Variants in CTTNBP2 observed in about 807,000 individuals in gnomAD.
The protein encoded by CTTNBP2 is cortactin binding protein 2.
In CTTNBP2, 108 loss-of-function variants were observed where a neutral mutation model predicts 156.9. The observed-to-expected ratio is 0.69, with a 90% CI of 0.59 to 0.81. The LOEUF (loss-of-function observed/expected upper bound fraction) is 0.81, where lower values mean the gene tolerates loss of function less well. Ranked by LOEUF, CTTNBP2 falls within the 30% of genes least tolerant of loss-of-function variation. The pLI is 0.00. For synonymous variants in CTTNBP2, 767 were observed against 751.8 expected (o/e 1.02, Z -0.33); for missense variants, 1,924 against 2,035.4 (o/e 0.95, Z 1.05).
intron 8 of CTTNBP2, among the ~76,000 whole-genome samples, chr7:117,773,346 C>A (rs1376257868): frequency 6.6e-6 from 1 of 152,180 alleles, no homozygotes; most frequent in Non-Finnish European, 1.5e-5. Context: ...GTAGAAACGT[C>A]TGACTCTCAT....
chr7:117,837,990 G>A (rs189447003), intron 2 of CTTNBP2, among the ~76,000 whole-genome samples: 2 of 152,278 alleles, frequency 1.3e-5, no homozygotes, highest in African/African-American at 4.8e-5. Flanking sequence ...AGCCCAGGCA[G>A]CCTCCAGAGA....
chr7:117,793,013 T>G (rs1799121042), intron 3 of CTTNBP2, among the ~76,000 whole-genome samples: 1 of 152,164 alleles, frequency 6.6e-6, no homozygotes, highest in African/African-American at 2.4e-5. Flanking sequence ...AATAGAGAAT[T>G]TTTAAAGTCT....
intron 3 of CTTNBP2, among the ~76,000 whole-genome samples, chr7:117,793,784 C>T (rs1454210390): frequency 1.3e-5 from 2 of 152,188 alleles, no homozygotes; most frequent in Admixed American, 6.5e-5. Flanking sequence ...ACTGATCAGC[C>T]TAGACAGGGA....
intron 2 of CTTNBP2, among the ~76,000 whole-genome samples, chr7:117,814,720 G>A (rs1337364228): frequency 6.6e-6 from 1 of 152,196 alleles, no homozygotes; most frequent in East Asian, 1.9e-4. Flanking sequence ...GAGCCTCCGT[G>A]ACAGCCTAAA....
At chr7:117,756,827 T>C (rs528730535) in intron 11 of CTTNBP2, among the ~76,000 whole-genome samples, 193 bp from the exon 12 acceptor site, 3 of 152,322 alleles carry the variant, frequency 2.0e-5, no homozygotes, top group African/African-American at 7.2e-5. Context: ...GCTGATAAAC[T>C]GCCACTGCTC....
At chr7:117,800,860 T>C (rs1799570559) in intron 3 of CTTNBP2, among the ~76,000 whole-genome samples, 1 of 152,138 alleles carries the variant, frequency 6.6e-6, no homozygotes, top group African/African-American at 2.4e-5. Context: ...TGTTGCTAAG[T>C]ACCATCTCCC....
At chr7:117,756,677 TAA>T (rs1562976870) in intron 11 of CTTNBP2, 43 bp from the exon 12 acceptor site, 1 of 1,230,926 alleles carries the variant, frequency 8.1e-7, no homozygotes, top group Non-Finnish European at 1.2e-6. Flanking sequence ...GTTCCCTTGT[TAA>T]ATATAAACGA....
intron 3 of CTTNBP2, among the ~76,000 whole-genome samples, chr7:117,797,102 T>C (rs1350025241): frequency 6.6e-6 from 1 of 152,160 alleles, no homozygotes; most frequent in Non-Finnish European, 1.5e-5. Context: ...CACTGGCAGC[T>C]GAAACTCAAG....
chr7:117,829,235 C>T (rs2117067105), intron 2 of CTTNBP2, among the ~76,000 whole-genome samples: 1 of 152,338 alleles, frequency 6.6e-6, no homozygotes, highest in East Asian at 1.9e-4. Flanking sequence ...TTCCCACTCC[C>T]TCTATTCTGG....
At chr7:117,808,096 C>T (rs1800056569) in intron 3 of CTTNBP2, among the ~76,000 whole-genome samples, 1 of 152,114 alleles carries the variant, frequency 6.6e-6, no homozygotes, top group Non-Finnish European at 1.5e-5. Flanking sequence ...ATTGTTCCCC[C>T]TCTGAATTTC....
intron 6 of CTTNBP2, 33 bp from the exon 7 acceptor site, chr7:117,780,624 C>A (rs748525196): frequency 1.4e-6 from 2 of 1,472,796 alleles, no homozygotes; most frequent in Non-Finnish European, 1.8e-6. Context: ...TTACATAAAA[C>A]CTGGGTTTGA....
intron 16 of CTTNBP2, 53 bp downstream of exon 16, chr7:117,734,860 G>T: frequency 7.0e-7 from 1 of 1,436,036 alleles, no homozygotes; most frequent in South Asian, 1.4e-5. Flanking sequence ...GAGATCTCCT[G>T]ACAACAAAAA....
intron 4 of CTTNBP2, chr7:117,786,379 T>C (rs762835795): frequency 1.6e-5 from 7 of 446,802 alleles, no homozygotes; most frequent in South Asian, 1.2e-4. Context: ...TTTTACTTCA[T>C]ACTTACAAGA....
intron 22 of CTTNBP2, 53 bp from the exon 23 acceptor site, chr7:117,711,835 G>GC (rs1794076885): frequency 1.3e-6 from 2 of 1,539,490 alleles, no homozygotes; most frequent in Admixed American, 4.1e-5. Context: ...CCTGTTATGA[G>GC]CCCTACCCCT....
intron 2 of CTTNBP2, among the ~76,000 whole-genome samples, chr7:117,822,692 T>C (rs979729457): frequency 2.0e-4 from 30 of 152,342 alleles, no homozygotes; most frequent in Admixed American, 1.4e-3. Context: ...TGCGACTGAT[T>C]TCTCATTTAA....
At chr7:117,735,867 C>T (rs1026858669) in intron 14 of CTTNBP2, among the ~76,000 whole-genome samples, 7 of 152,078 alleles carry the variant, frequency 4.6e-5, no homozygotes, top group Non-Finnish European at 1.0e-4. Flanking sequence ...GGGATTCATA[C>T]ACAGGGAGTA....
chr7:117,788,927 C>T (rs916676885), intron 4 of CTTNBP2, among the ~76,000 whole-genome samples: 8 of 152,092 alleles, frequency 5.3e-5, no homozygotes, highest in Non-Finnish European at 1.0e-4. Context: ...GGTAAAATTG[C>T]AAAAGTCAGA....
At chr7:117,830,951 T>G (rs1801566996) in intron 2 of CTTNBP2, among the ~76,000 whole-genome samples, 1 of 152,216 alleles carries the variant, frequency 6.6e-6, no homozygotes, top group Non-Finnish European at 1.5e-5. Context: ...AAGATAATGT[T>G]TTCACATGTA....
At chr7:117,822,605 C>T (rs1230210474) in intron 2 of CTTNBP2, among the ~76,000 whole-genome samples, 6 of 152,072 alleles carry the variant, frequency 3.9e-5, no homozygotes, top group African/African-American at 1.2e-4. Context: ...GTCTAAATCC[C>T]TTTTGGTTTT....
Sources: allele counts gnomAD v4.1 joint callset (sites outside exome capture counted in the v4.1 genomes callset), GRCh38; gene constraint gnomAD v4.1.1; transcripts MANE v1.5; gene names NCBI Gene and HGNC (gene_info 2026-07-23, HGNC 2026-07-21).